Variants in WDR64 observed in about 807,000 individuals in gnomAD.
The protein encoded by WDR64 is WD repeat domain 64.
Under a neutral mutation model 139.3 loss-of-function variants are expected in WDR64, and 112 were observed. The observed-to-expected ratio is 0.80, with a 90% CI of 0.69 to 0.94. The LOEUF is 0.94. WDR64 is among the 40% of genes least tolerant of loss of function. WDR64 has a pLI of 0.00. For synonymous variants in WDR64, 444 were observed against 437.7 expected (o/e 1.01, Z -0.18); for missense variants, 1,206 against 1,293.1 (o/e 0.93, Z 1.03).
intron 15 of WDR64, among the ~76,000 whole-genome samples, chr1:241,765,047 C>A (rs1658093169): frequency 6.6e-6 from 1 of 151,656 alleles, no homozygotes; most frequent in African/African-American, 2.4e-5. Context: ...ATTAGCCAGG[C>A]ATGGTAGCAC....
At chr1:241,732,016 T>A (rs1194213564) in intron 10 of WDR64, among the ~76,000 whole-genome samples, 2 of 152,198 alleles carry the variant, frequency 1.3e-5, no homozygotes, top group Non-Finnish European at 2.9e-5. Context: ...TTTCATAATC[T>A]CATATATCTT....
intron 16 of WDR64, among the ~76,000 whole-genome samples, chr1:241,768,082 A>G (rs535822819): frequency 6.6e-6 from 1 of 152,346 alleles, no homozygotes; most frequent in South Asian, 2.1e-4. Context: ...CACAGCCTAA[A>G]GAGGGGGGCA....
intron 1 of WDR64, among the ~76,000 whole-genome samples, chr1:241,653,014 A>G (rs1665424395): frequency 6.6e-6 from 1 of 152,208 alleles, no homozygotes; most frequent in African/African-American, 2.4e-5. Flanking sequence ...ATGAGACCAT[A>G]AAGACTTTCA....
At chr1:241,797,617 T>G (rs898739124) in intron 27 of WDR64, among the ~76,000 whole-genome samples, 8 of 152,216 alleles carry the variant, frequency 5.3e-5, no homozygotes, top group Non-Finnish European at 1.2e-4. Context: ...TGTTAGCTTG[T>G]GCACTTAATG....
chr1:241,697,601 C>A (rs1241433637), intron 8 of WDR64, among the ~76,000 whole-genome samples: 2 of 152,150 alleles, frequency 1.3e-5, no homozygotes, highest in South Asian at 2.1e-4. Context: ...CTCTTATTTT[C>A]AAACTATAAT....
intron 9 of WDR64, among the ~76,000 whole-genome samples, chr1:241,719,192 T>C (rs1423706406): frequency 6.6e-6 from 1 of 152,204 alleles, no homozygotes; most frequent in African/African-American, 2.4e-5. Context: ...TTTGAATACA[T>C]GTTTTTCCCC....
chr1:241,780,960 A>G (rs1281347637), intron 22 of WDR64, among the ~76,000 whole-genome samples: 2 of 152,218 alleles, frequency 1.3e-5, no homozygotes, highest in Non-Finnish European at 2.9e-5. Flanking sequence ...AGAAACACGA[A>G]GTTTCATTTA....
At chr1:241,774,458 T>C (rs967441902) in intron 20 of WDR64, among the ~76,000 whole-genome samples, 7 of 151,946 alleles carry the variant, frequency 4.6e-5, no homozygotes, top group African/African-American at 1.7e-4. Flanking sequence ...AGGAAAGGAG[T>C]AGCAAATTCA....
chr1:241,725,614 C>T (rs1414195456), intron 10 of WDR64, among the ~76,000 whole-genome samples: 1 of 152,100 alleles, frequency 6.6e-6, no homozygotes, highest in Non-Finnish European at 1.5e-5. Flanking sequence ...GGGGTTCCTC[C>T]CAGGCTAGAG....
At chr1:241,719,391 G>C (rs1361020557) in intron 9 of WDR64, among the ~76,000 whole-genome samples, 1 of 152,072 alleles carries the variant, frequency 6.6e-6, no homozygotes, top group Non-Finnish European at 1.5e-5. Flanking sequence ...TAACTATGAA[G>C]GATGATGGGG....
At chr1:241,776,864 C>G (rs1368605732) in intron 21 of WDR64, among the ~76,000 whole-genome samples, 1 of 152,112 alleles carries the variant, frequency 6.6e-6, no homozygotes, top group Non-Finnish European at 1.5e-5. Flanking sequence ...ATCATATAGC[C>G]CATTCTCATC....
chr1:241,800,722 T>G (rs1276859530), intron 27 of WDR64, among the ~76,000 whole-genome samples: 1 of 152,196 alleles, frequency 6.6e-6, no homozygotes, highest in Non-Finnish European at 1.5e-5. Context: ...GATTTTATTT[T>G]CCTGTGAGCC....
chr1:241,706,515 A>G (rs1195314168), intron 8 of WDR64, among the ~76,000 whole-genome samples: 1 of 152,218 alleles, frequency 6.6e-6, no homozygotes, highest in Non-Finnish European at 1.5e-5. Flanking sequence ...ACTACTTCTC[A>G]TCTGGGACAT....
chr1:241,778,021 T>C (rs1455083067), intron 21 of WDR64, among the ~76,000 whole-genome samples: 2 of 152,192 alleles, frequency 1.3e-5, no homozygotes, highest in African/African-American at 4.8e-5. Flanking sequence ...ATGTGAATTA[T>C]ATTCAGTTTA....
At position 241,734,687 on chromosome 1, in the gene WDR64, A is replaced by G. The variant is rs564655923; in HGVS notation, c.1195-3676A>G. On this transcript the variant is annotated intron_variant, in intron 10 of 27. Transcript: ENST00000437684. The stretch of plus-strand genomic sequence containing the variant: ...CAAATAGGCTGTGGTTCTTCCCCCG[A>G]GAGTTATAGTCTAGTAGAGAAGGCC... Among the ~76,000 whole-genome samples the G allele has an allele frequency of 3.3e-5, 5 of 152,250 alleles. No homozygotes were observed. The South Asian group carries it at 8.3e-4, about 25-fold the overall frequency.
rs369618876 is a variant in WDR64, at chr1:241,690,716, T to C, written c.974+3121T>C. ...AAATTGAGGAAATATGCTATCAGTA[T>C]ACCTGCTTTTCAAGAAAGGGTAAAA... On this transcript the variant is annotated intron_variant, in intron 8 of 27. Coordinates refer to ENST00000437684, the MANE Select transcript of WDR64 (RefSeq NM_001367482.1). Among the ~76,000 whole-genome samples, 100 of 152,258 alleles carry C rather than the reference T, an allele frequency of 6.6e-4. 2 individuals carry two copies. In the South Asian group the frequency reaches 0.019, roughly 29 times the overall value.
At chr1:241,701,800 A>T (rs1221132032) in intron 8 of WDR64, among the ~76,000 whole-genome samples, 1 of 152,252 alleles carries the variant, frequency 6.6e-6, no homozygotes, top group African/African-American at 2.4e-5. Flanking sequence ...CTGCCATTGT[A>T]GAGTCATCTC....
Position 241,671,186 on chromosome 1 carries a change from T to A in WDR64, c.379+10T>A. ...CGAATTTTAATTTCAGGTGACATTT[T>A]AATTTTCTCTTCCAAATTAGTATGA... On this transcript the variant is annotated intron_variant, in intron 3 of 27. Transcript: ENST00000437684. 6.7e-7 allele frequency: 1 copy of A among 1,495,280 alleles called. No homozygotes were observed. Among genetic ancestry groups the A allele is most frequent in the Non-Finnish European group, 9.1e-7 (1 of 1,098,292 alleles). 92.6% of individuals were successfully genotyped at this position (1,495,280 alleles called of 1,614,324 possible).
intron 24 of WDR64, 150 bp downstream of exon 24, chr1:241,788,184 A>G: frequency 1.6e-6 from 1 of 617,764 alleles, no homozygotes; most frequent in Admixed American, 3.9e-5. Context: ...GTATGTAAAC[A>G]AAGCTATAAT....
Sources: allele counts gnomAD v4.1 joint callset (sites outside exome capture counted in the v4.1 genomes callset), GRCh38; gene constraint gnomAD v4.1.1; transcripts MANE v1.5; gene names NCBI Gene and HGNC (gene_info 2026-07-23, HGNC 2026-07-21).